Variants in TNR observed in about 807,000 individuals in gnomAD.
TNR encodes the protein tenascin R.
A neutral mutation model predicts 150.4 loss-of-function variants in TNR; 45 were observed. The observed-to-expected ratio is 0.30, with a 90% confidence interval of 0.24 to 0.38. The LOEUF is 0.38. Ranked by LOEUF, TNR falls within the 10% of genes least tolerant of loss-of-function variation. The probability of loss-of-function intolerance (pLI) is 1.00; values close to 1 mark genes in which losing one functional copy is unlikely to be tolerated. For synonymous variants in TNR, 687 were observed against 678.4 expected (o/e 1.01, Z -0.20); for missense variants, 1,544 against 1,759.1 (o/e 0.88, Z 2.19).
At chr1:175,498,942 A>T (rs565281338) in intron 2 of TNR, among the ~76,000 whole-genome samples, 1 of 152,364 alleles carries the variant, frequency 6.6e-6, no homozygotes, top group South Asian at 2.1e-4. Context: ...TCTGTTGCTC[A>T]TATTCAGGCT....
intron 1 of TNR, among the ~76,000 whole-genome samples, chr1:175,698,655 A>G (rs1242395522): frequency 6.6e-6 from 1 of 152,138 alleles, no homozygotes; most frequent in Admixed American, 6.5e-5. Flanking sequence ...AGCCTGGCCA[A>G]CATGATGAAA....
chr1:175,366,110 C>A lies in TNR; in HGVS notation c.2082G>T (p.Val694=), dbSNP rs1172299679. ...AGATGGAGGTCTCCGAGGAGGCTGTCACCATGAGGTCTCGGGGACTGTCAA... is the reference window on the plus strand; with the variant it reads ...AGATGGAGGTCTCCGAGGAGGCTGTAACCATGAGGTCTCGGGGACTGTCAA... The part of the protein sequence containing the change: ...TELDSPRDLM[V]TASSETSISL... Residue 694 remains valine (V), a synonymous_variant, in exon 11 of 23, where the codon GTG becomes GTT. Coordinates refer to ENST00000367674, the MANE Select transcript of TNR (RefSeq NM_003285.3). The A allele has an allele frequency of 6.2e-6, 10 of 1,611,186 alleles. No homozygotes were observed. The highest frequency in any genetic ancestry group is 8.5e-6 in the Non-Finnish European group (10 of 1,178,164).
At chr1:175,627,398 C>T (rs187787419) in intron 1 of TNR, among the ~76,000 whole-genome samples, 164 of 152,260 alleles carry the variant, frequency 1.1e-3, no homozygotes, top group African/African-American at 3.4e-3. Flanking sequence ...GTGTAAACAT[C>T]AAAACAGAAC....
At chr1:175,391,161 C>T in intron 7 of TNR, 127 bp downstream of exon 7, 1 of 1,191,756 alleles carries the variant, frequency 8.4e-7, no homozygotes, top group Non-Finnish European at 1.2e-6. Flanking sequence ...TGCCAGGTAC[C>T]AGAATTGTCC....
intron 1 of TNR, among the ~76,000 whole-genome samples, chr1:175,647,747 G>A (rs567155396): frequency 6.6e-6 from 1 of 152,194 alleles, no homozygotes; most frequent in African/African-American, 2.4e-5. Flanking sequence ...TTCCTCACCT[G>A]GAAGCTGTGT....
chr1:175,557,886 C>T (rs12041640), intron 1 of TNR, among the ~76,000 whole-genome samples: 29,026 of 88,066 alleles, frequency 0.33, 4,862 homozygotes, highest in East Asian at 0.57. Context: ...TGTCCAACAA[C>T]GATAGACTGG....
intron 1 of TNR, among the ~76,000 whole-genome samples, chr1:175,592,192 A>G (rs1662827515): frequency 2.0e-5 from 3 of 152,222 alleles, no homozygotes; most frequent in Admixed American, 1.3e-4. Flanking sequence ...CATAAGAGAT[A>G]ACTTATGTAA....
At chr1:175,638,326 T>A (rs1485638497) in intron 1 of TNR, among the ~76,000 whole-genome samples, 1 of 152,218 alleles carries the variant, frequency 6.6e-6, no homozygotes, top group Non-Finnish European at 1.5e-5. Flanking sequence ...TTGGGCAGGG[T>A]ACAAGGTCCT....
chr1:175,503,033 C>A (rs982320819), intron 2 of TNR, among the ~76,000 whole-genome samples: 1 of 152,206 alleles, frequency 6.6e-6, no homozygotes, highest in African/African-American at 2.4e-5. Context: ...CCCAACCCTG[C>A]TCCCCAGGGT....
At chr1:175,491,988 T>C (rs1270628393) in intron 2 of TNR, among the ~76,000 whole-genome samples, 1 of 150,946 alleles carries the variant, frequency 6.6e-6, no homozygotes, top group Non-Finnish European at 1.5e-5. Flanking sequence ...CATAGTTGGT[T>C]CCATGAATTA....
intron 1 of TNR, among the ~76,000 whole-genome samples, chr1:175,608,628 G>A (rs537710424): frequency 6.6e-6 from 1 of 152,100 alleles, no homozygotes; most frequent in South Asian, 2.1e-4. Flanking sequence ...AACTGACAAG[G>A]GATTGAGATA....
chr1:175,515,812 T>C (rs1180667659), intron 2 of TNR, among the ~76,000 whole-genome samples: 1 of 152,210 alleles, frequency 6.6e-6, no homozygotes, highest in East Asian at 1.9e-4. Flanking sequence ...GCTACAGGCA[T>C]GGATGCTCTT....
chr1:175,479,108 A>T (rs1657670064), intron 2 of TNR, among the ~76,000 whole-genome samples: 2 of 152,198 alleles, frequency 1.3e-5, no homozygotes, highest in Non-Finnish European at 2.9e-5. Context: ...ATTCCTCAAG[A>T]TTACACACAA....
intron 2 of TNR, among the ~76,000 whole-genome samples, chr1:175,500,983 C>T (rs1327161846): frequency 6.6e-6 from 1 of 152,184 alleles, no homozygotes; most frequent in Non-Finnish European, 1.5e-5. Flanking sequence ...CCAACATTTC[C>T]ATCCCCTGGT....
At chr1:175,583,164 C>A (rs1359835945) in intron 1 of TNR, among the ~76,000 whole-genome samples, 3 of 152,142 alleles carry the variant, frequency 2.0e-5, no homozygotes, top group African/African-American at 7.2e-5. Flanking sequence ...CTACCTCAAC[C>A]CCCTAGACTG....
At chr1:175,470,481 T>C (rs1029485147) in intron 2 of TNR, among the ~76,000 whole-genome samples, 2 of 151,912 alleles carry the variant, frequency 1.3e-5, no homozygotes, top group Non-Finnish European at 2.9e-5. Context: ...CCTCCCTTTA[T>C]GTTATTTTAA....
chr1:175,699,211 T>C (rs912868615), intron 1 of TNR, among the ~76,000 whole-genome samples: 2 of 151,868 alleles, frequency 1.3e-5, no homozygotes, highest in Non-Finnish European at 2.9e-5. Context: ...CCTGAGTAAC[T>C]AGAATAATGG....
intron 1 of TNR, among the ~76,000 whole-genome samples, chr1:175,696,508 C>T (rs938056400): frequency 6.6e-6 from 1 of 152,100 alleles, no homozygotes; most frequent in Non-Finnish European, 1.5e-5. Flanking sequence ...CAAATAAAAA[C>T]ATTGGTTATG....
intron 2 of TNR, among the ~76,000 whole-genome samples, chr1:175,523,612 G>T (rs1038292207): frequency 2.0e-5 from 3 of 152,160 alleles, no homozygotes; most frequent in Admixed American, 1.3e-4. Flanking sequence ...CATGGAGAAC[G>T]GAGGAGATTA....
Sources: allele counts gnomAD v4.1 joint callset (sites outside exome capture counted in the v4.1 genomes callset), GRCh38; gene constraint gnomAD v4.1.1; transcripts MANE v1.5; gene names NCBI Gene and HGNC (gene_info 2026-07-23, HGNC 2026-07-21).